The following SLC35D4 variants were observed in gnomAD, a reference collection of about 807,000 sequenced individuals.
SLC35D4 encodes the protein UDP-N-acetylglucosamine transporter SLC35D4.
the SLC35D4 span, among the ~76,000 whole-genome samples, chr18:23,388,548 G>A: frequency 1.3e-5 from 2 of 152,154 alleles, no homozygotes; most frequent in East Asian, 1.9e-4. Context: ...ATTATGTCAA[G>A]CCACAGTGAA....
At chr18:23,330,858 C>G in the SLC35D4 span, among the ~76,000 whole-genome samples, 10 of 152,160 alleles carry the variant, frequency 6.6e-5, no homozygotes, top group African/African-American at 2.4e-4. Flanking sequence ...AGCACCCCTT[C>G]CCTGGGAGAC....
the SLC35D4 span, among the ~76,000 whole-genome samples, chr18:23,381,604 C>A: frequency 6.6e-6 from 1 of 152,154 alleles, no homozygotes; most frequent in South Asian, 2.1e-4. Flanking sequence ...CAACAAATTA[C>A]CCACTCACTT....
At chr18:23,265,377 A>G in the SLC35D4 span, among the ~76,000 whole-genome samples, 2 of 152,134 alleles carry the variant, frequency 1.3e-5, no homozygotes, top group Non-Finnish European at 2.9e-5. Flanking sequence ...CGAGCCATCA[A>G]GTTCATGCTG....
chr18:23,397,269 C>A, the SLC35D4 span, among the ~76,000 whole-genome samples: 1 of 152,174 alleles, frequency 6.6e-6, no homozygotes, highest in Admixed American at 6.5e-5. Context: ...TAATTCCAAC[C>A]TTGTGGTCAG....
At chr18:23,281,582 C>A in the SLC35D4 span, among the ~76,000 whole-genome samples, 1 of 152,182 alleles carries the variant, frequency 6.6e-6, no homozygotes, top group Non-Finnish European at 1.5e-5. Flanking sequence ...CTGCCGTGGC[C>A]TCCCCAAATG....
chr18:23,397,102 C>CG, the SLC35D4 span, among the ~76,000 whole-genome samples: 1 of 151,702 alleles, frequency 6.6e-6, no homozygotes, highest in South Asian at 2.1e-4. Context: ...TGTGGGGCGG[C>CG]GGGGGGAGGG....
chr18:23,383,643 G>C, the SLC35D4 span, among the ~76,000 whole-genome samples: 14 of 152,058 alleles, frequency 9.2e-5, no homozygotes, highest in Non-Finnish European at 1.8e-4. Context: ...AGGTGCACGG[G>C]CAAGGCAGCT....
At chr18:23,306,287 A>G in the SLC35D4 span, among the ~76,000 whole-genome samples, 1 of 150,922 alleles carries the variant, frequency 6.6e-6, no homozygotes, top group African/African-American at 2.4e-5. Flanking sequence ...GCAGGCATGG[A>G]AAAAAATACT....
At chr18:23,436,653 C>T in the SLC35D4 span, among the ~76,000 whole-genome samples, 3 of 151,974 alleles carry the variant, frequency 2.0e-5, no homozygotes, top group Admixed American at 6.6e-5. Flanking sequence ...ATTAGCCCAG[C>T]GTGGTGGCGC....
the SLC35D4 span, among the ~76,000 whole-genome samples, chr18:23,428,844 A>C: frequency 6.6e-6 from 1 of 151,218 alleles, no homozygotes; most frequent in Non-Finnish European, 1.5e-5. Context: ...TCTCTCCCTA[A>C]CTCTCCCCTT....
the SLC35D4 span, among the ~76,000 whole-genome samples, chr18:23,405,615 G>A: frequency 6.6e-6 from 1 of 152,166 alleles, no homozygotes; most frequent in Admixed American, 6.5e-5. Context: ...TCTAGTCAAT[G>A]AAGACACAGC....
the SLC35D4 span, among the ~76,000 whole-genome samples, chr18:23,418,386 T>TTATTATTATTATTATTATTA: frequency 2.1e-4 from 24 of 113,682 alleles, no homozygotes; most frequent in African/African-American, 7.3e-4. Context: ...TATTATTATT[T>TTATTATTATTATTATTATTA]TTTGAGACAG....
chr18:23,402,940 T>C, the SLC35D4 span, among the ~76,000 whole-genome samples: 1 of 151,986 alleles, frequency 6.6e-6, no homozygotes, highest in Non-Finnish European at 1.5e-5. Context: ...CCCTGTCTCT[T>C]ACTAAAAATA....
chr18:23,249,329 G>A, the SLC35D4 span, among the ~76,000 whole-genome samples: 4 of 152,218 alleles, frequency 2.6e-5, no homozygotes, highest in Non-Finnish European at 5.9e-5. Context: ...GAATGGAGGC[G>A]AGTCCTGGGG....
the SLC35D4 span, chr18:23,309,563 G>T: frequency 1.2e-6 from 1 of 812,922 alleles, no homozygotes; most frequent in Non-Finnish European, 2.0e-6. Flanking sequence ...TTTGCATTTG[G>T]ATGGAGATAC....
At chr18:23,371,998 G>T in the SLC35D4 span, among the ~76,000 whole-genome samples, 1 of 125,226 alleles carries the variant, frequency 8.0e-6, no homozygotes, top group Non-Finnish European at 1.6e-5. Context: ...TGCAGTGGCG[G>T]GATCTCGGCT....
chr18:23,392,701 A>G, the SLC35D4 span, among the ~76,000 whole-genome samples: 2 of 152,218 alleles, frequency 1.3e-5, no homozygotes, highest in African/African-American at 2.4e-5. Flanking sequence ...GCATTAACGC[A>G]TGGGTGGGAA....
At chr18:23,298,205 C>T in the SLC35D4 span, 2 of 953,328 alleles carry the variant, frequency 2.1e-6, no homozygotes, top group Non-Finnish European at 3.2e-6. Context: ...GCCATGCTTC[C>T]AGGTCAAGCC....
At chr18:23,400,299 G>A in the SLC35D4 span, among the ~76,000 whole-genome samples, 2 of 152,166 alleles carry the variant, frequency 1.3e-5, no homozygotes, top group Admixed American at 1.3e-4. Flanking sequence ...ATATCACTGA[G>A]GTTGCAACCT....
Sources: gnomAD v4.1 joint callset for allele counts (sites outside exome capture counted in the v4.1 genomes callset) on GRCh38, gnomAD v4.1.1 for gene constraint, MANE v1.5 for transcripts, NCBI Gene and HGNC (gene_info 2026-07-23, HGNC 2026-07-21) for gene names.